The following XRCC1 variants were observed in gnomAD, a reference collection of about 807,000 sequenced individuals.
XRCC1 encodes DNA repair protein XRCC1.
Under a neutral mutation model 83.3 loss-of-function variants are expected in XRCC1, and 52 were observed. The observed-to-expected ratio is 0.62, with a 90% CI of 0.50 to 0.79. XRCC1 has a LOEUF of 0.79. Ranked by LOEUF, XRCC1 falls within the 30% of genes least tolerant of loss-of-function variation. XRCC1 has a pLI of 0.00. For missense variants in XRCC1, 793 were observed against 823.5 expected (o/e 0.96, Z 0.45); for synonymous variants, 281 against 312.6 (o/e 0.90, Z 1.07).
At chr19:43,562,145 C>CAAAA (rs1203247615) in intron 2 of XRCC1, among the ~76,000 whole-genome samples, 1 of 42,196 alleles carries the variant, frequency 2.4e-5, no homozygotes, top group African/African-American at 8.4e-5. Context: ...GACTCTGTCA[C>CAAAA]AAAAAAAAAA....
At chr19:43,551,420 C>T in intron 10 of XRCC1, 151 bp downstream of exon 10, 1 of 671,078 alleles carries the variant, frequency 1.5e-6, no homozygotes, top group Non-Finnish European at 2.6e-6. Context: ...CTGGAGTACC[C>T]CAGCCCCTGC....
chr19:43,553,148 C>T, intron 6 of XRCC1, 57 bp from the exon 7 acceptor site: 2 of 1,497,498 alleles, frequency 1.3e-6, no homozygotes, highest in South Asian at 1.2e-5. Flanking sequence ...GACCCTTTCA[C>T]TCCTATCTAT....
intron 3 of XRCC1, among the ~76,000 whole-genome samples, chr19:43,557,519 G>A (rs957959843): frequency 6.6e-6 from 1 of 152,004 alleles, no homozygotes; most frequent in Non-Finnish European, 1.5e-5. Flanking sequence ...ATACAGAAGG[G>A]AAGTTTTCTT....
At position 43,545,540 on chromosome 19, in the gene XRCC1, C is replaced by T. The variant is rs149345848; in HGVS notation, c.1621+278G>A. ...ATGAGGGTGGGGCCCTCACCCCTGA[C>T]GTGAAAAAAAGGAGGTCACACCTGG... On this transcript the variant is annotated intron_variant, in intron 14 of 16. Transcript: ENST00000262887. Among the ~76,000 whole-genome samples, 330 of 151,914 alleles carry T rather than the reference C, an allele frequency of 2.2e-3. 2 individuals carry two copies. The highest frequency in any genetic ancestry group is 2.9e-3 in the Non-Finnish European group (194 of 67,978).
chr19:43,557,307 C>CAAAAA (rs33984597), intron 3 of XRCC1, among the ~76,000 whole-genome samples: 4 of 77,854 alleles, frequency 5.1e-5, no homozygotes, highest in Admixed American at 1.7e-4. Flanking sequence ...GACTCCGTCT[C>CAAAAA]AAAAAAAAAA....
chr19:43,568,720 T>C (rs552282964), intron 2 of XRCC1, among the ~76,000 whole-genome samples: 2 of 138,374 alleles, frequency 1.4e-5, no homozygotes, highest in African/African-American at 5.4e-5. Context: ...CTAATGGTGG[T>C]TGCATCAGGA....
intron 2 of XRCC1, among the ~76,000 whole-genome samples, chr19:43,570,513 G>A (rs1972797039): frequency 6.6e-6 from 1 of 152,228 alleles, no homozygotes; most frequent in Non-Finnish European, 1.5e-5. Context: ...GCCAGGTGCA[G>A]TGGCTCATGC....
At chr19:43,551,751 CAG>C (rs1361241900) in intron 9 of XRCC1, 64 bp from the exon 10 acceptor site, 4 of 1,227,322 alleles carry the variant, frequency 3.3e-6, no homozygotes, top group African/African-American at 1.5e-5. Flanking sequence ...GGGAACGAGA[CAG>C]GGGAGACAGA....
intron 2 of XRCC1, among the ~76,000 whole-genome samples, chr19:43,562,145 C>CAAAAA (rs1203247615): frequency 2.4e-5 from 1 of 42,194 alleles, no homozygotes; most frequent in African/African-American, 8.4e-5. Flanking sequence ...GACTCTGTCA[C>CAAAAA]AAAAAAAAAA....
At chr19:43,551,814 A>G in intron 9 of XRCC1, 127 bp from the exon 10 acceptor site, 1 of 993,324 alleles carries the variant, frequency 1.0e-6, no homozygotes, top group Non-Finnish European at 1.5e-6. Context: ...TTGAGGTGGG[A>G]GAAACAAAAA....
intron 3 of XRCC1, among the ~76,000 whole-genome samples, chr19:43,557,792 C>CA (rs35267441): frequency 0.036 from 1,467 of 40,972 alleles, 142 homozygotes; most frequent in African/African-American, 0.068. Context: ...AATTCCATCT[C>CA]AAAAAAAAAA....
chr19:43,545,208 C>T lies in XRCC1; in HGVS notation c.1621+610G>A, dbSNP rs1353546673. Among the ~76,000 whole-genome samples, 5 of 152,208 alleles carry T rather than the reference C, an allele frequency of 3.3e-5. No individual in the cohort carries two copies. The East Asian group carries it at 9.6e-4, about 29-fold the overall frequency. ...TCTTCTGGAAGCCCCAGAACCACAC[C>T]TCTGCACAGCCCGTGACTGTCTTTC... On this transcript the variant is annotated intron_variant, in intron 14 of 16. Coordinates refer to ENST00000262887, the MANE Select transcript of XRCC1 (RefSeq NM_006297.3).
At position 43,543,666 on chromosome 19, in the gene XRCC1, A is replaced by G. The variant is rs1371815488; in HGVS notation, c.1734T>C (p.Ser578=). 1.2e-6 allele frequency: 2 copies of G among 1,613,846 alleles called. No individual in the cohort carries two copies. The highest frequency in any genetic ancestry group is 2.2e-5 in the East Asian group (1 of 44,840). Residue 578 remains serine (S), a synonymous_variant, in exon 16 of 17, where the codon AGT becomes AGC. Coordinates refer to ENST00000262887, the MANE Select transcript of XRCC1 (RefSeq NM_006297.3). ...AFNGELEDYM[S]DRVQFVITAQ... ...CTGTGATCACAAACTGAACCCGGTC[A>G]CTCATATAGTCCTCGAGCTCCCTGG...
chr19:43,569,310 C>CA (rs199511293), intron 2 of XRCC1, among the ~76,000 whole-genome samples: 59 of 150,860 alleles, frequency 3.9e-4, no homozygotes, highest in African/African-American at 9.7e-4. Flanking sequence ...CCCATCTCTG[C>CA]AAAAAAAATA....
chr19:43,553,094 A>C lies in XRCC1; in HGVS notation c.602-3T>G. On this transcript the variant is annotated splice_region_variant and splice_polypyrimidine_tract_variant and intron_variant, in intron 6 of 16. Transcript: ENST00000262887. ...TCCTGCTGGGTCGCTGGCTGTGACT[A>C]TGAAGGGAGAAAGTGGATCCAGGAT... 6.4e-7 allele frequency: 1 copy of C among 1,562,768 alleles called. No homozygotes were observed. Among genetic ancestry groups the C allele is most frequent in the Non-Finnish European group, 8.7e-7 (1 of 1,153,336 alleles).
At chr19:43,547,582 A>C (rs1972526169) in intron 10 of XRCC1, among the ~76,000 whole-genome samples, 1 of 151,334 alleles carries the variant, frequency 6.6e-6, no homozygotes, top group Non-Finnish European at 1.5e-5. Flanking sequence ...CCAGGGTTCG[A>C]GCGAGTCTCC....
chr19:43,555,886 TTTA>T (rs1972631119), intron 3 of XRCC1, among the ~76,000 whole-genome samples: 1 of 152,114 alleles, frequency 6.6e-6, no homozygotes, highest in Non-Finnish European at 1.5e-5. Flanking sequence ...CTTGATTTTA[TTTA>T]TTATTATTAT....
chr19:43,548,766 C>CTAAAAA (rs1972544567), intron 10 of XRCC1, among the ~76,000 whole-genome samples: 1 of 64,594 alleles, frequency 1.5e-5, no homozygotes, highest in African/African-American at 5.9e-5. Context: ...CAAGAATGAT[C>CTAAAAA]AAAAAAAAAA....
intron 3 of XRCC1, among the ~76,000 whole-genome samples, chr19:43,556,982 G>C (rs1369094653): frequency 1.3e-5 from 2 of 150,578 alleles, no homozygotes; most frequent in African/African-American, 4.9e-5. Context: ...TCCAGCCTGG[G>C]TGACGGAGCA....
Sources: allele counts gnomAD v4.1 joint callset (sites outside exome capture counted in the v4.1 genomes callset), GRCh38; gene constraint gnomAD v4.1.1; transcripts MANE v1.5; gene names NCBI Gene and HGNC (gene_info 2026-07-23, HGNC 2026-07-21).